MEGF6: variants seen among roughly 807,000 people sequenced by gnomAD.
MEGF6 encodes multiple epidermal growth factor-like domains protein 6.
MEGF6 carries 184 observed loss-of-function variants against 207.1 expected under a neutral mutation model. That is an observed-to-expected ratio of 0.89 (90% CI 0.79 to 1.00). The LOEUF (loss-of-function observed/expected upper bound fraction) is 1.00, where lower values mean the gene tolerates loss of function less well. MEGF6 is among the 50% of genes least tolerant of loss of function. The pLI is 0.00. For synonymous variants in MEGF6, 1,038 were observed against 910.0 expected, an observed-to-expected ratio of 1.14 and a Z score of -2.53; for missense variants, 2,282 against 2,202.9, an observed-to-expected ratio of 1.04 and a Z score of -0.72.
At chr1:3,590,288 C>T (rs934409902) in intron 3 of MEGF6, among the ~76,000 whole-genome samples, 1 of 152,206 alleles carries the variant, frequency 6.6e-6, no homozygotes, top group Non-Finnish European at 1.5e-5. Context: ...GTAAATGGTG[C>T]TGCCAGGACC....
intron 2 of MEGF6, among the ~76,000 whole-genome samples, chr1:3,599,967 G>A (rs192196029): frequency 3.3e-5 from 5 of 152,300 alleles, no homozygotes; most frequent in South Asian, 2.1e-4. Context: ...GGAGGCTGAC[G>A]TCGCCAGGCT....
chr1:3,590,833 C>G (rs1481037957), intron 3 of MEGF6, among the ~76,000 whole-genome samples: 2 of 152,172 alleles, frequency 1.3e-5, no homozygotes, highest in African/African-American at 4.8e-5. Context: ...ACAGGGCCCT[C>G]TAAAGAGTGA....
the MEGF6 span, among the ~76,000 whole-genome samples, chr1:3,621,041 A>C: frequency 6.6e-6 from 1 of 152,258 alleles, no homozygotes; most frequent in Non-Finnish European, 1.5e-5. Flanking sequence ...TAAAAGGCAG[A>C]GCCAGGTGTA....
intron 3 of MEGF6, among the ~76,000 whole-genome samples, chr1:3,589,857 T>G (rs1643948459): frequency 6.6e-6 from 1 of 152,242 alleles, no homozygotes. Context: ...TGCAATTAGT[T>G]TGGGAAAGCC....
chr1:3,526,111 A>T (rs1426814800), intron 4 of MEGF6, among the ~76,000 whole-genome samples: 1 of 152,156 alleles, frequency 6.6e-6, no homozygotes, highest in Middle Eastern at 3.2e-3. Context: ...CCCAGAGAAC[A>T]CGCCATGACC....
intron 4 of MEGF6, among the ~76,000 whole-genome samples, chr1:3,539,340 G>T (rs1254229414): frequency 2.0e-5 from 3 of 152,086 alleles, no homozygotes; most frequent in South Asian, 2.1e-4. Context: ...GGAGGGGCCG[G>T]GGTGGCTGTG....
chr1:3,599,989 A>C (rs1644133299), intron 2 of MEGF6, among the ~76,000 whole-genome samples: 2 of 152,152 alleles, frequency 1.3e-5, no homozygotes, highest in South Asian at 2.1e-4. Context: ...GTAGGGGTGG[A>C]ACCAGCGATG....
chr1:3,534,699 G>C (rs1017929246), intron 4 of MEGF6, among the ~76,000 whole-genome samples: 2 of 152,184 alleles, frequency 1.3e-5, no homozygotes, highest in Admixed American at 6.5e-5. Flanking sequence ...CTGATTCCCA[G>C]AGGGCGGGGG....
chr1:3,609,477 A>G (rs1430077144), intron 1 of MEGF6, among the ~76,000 whole-genome samples: 1 of 152,236 alleles, frequency 6.6e-6, no homozygotes, highest in East Asian at 1.9e-4. Context: ...ATCTGTGAGC[A>G]GAGGCCTCCA....
At position 3,507,759 on chromosome 1, in the gene MEGF6, G is replaced by C. The variant is rs1641168398; in HGVS notation, c.1789+36C>G. 3.7e-6 allele frequency: 6 copies of C among 1,612,394 alleles called. No individual in the cohort carries two copies. The South Asian group carries it at 6.6e-5, about 18-fold the overall frequency. The stretch of plus-strand genomic sequence containing the variant: ...TCTCCCACTTCCCTTACAGCCCAGG[G>C]GTAATTCCAGAAGCACCAGAAGAGG... On this transcript the variant is annotated intron_variant, in intron 14 of 36. Transcript: ENST00000356575.
intron 4 of MEGF6, among the ~76,000 whole-genome samples, chr1:3,569,332 G>C (rs536241406): frequency 2.6e-5 from 4 of 152,350 alleles, no homozygotes; most frequent in African/African-American, 9.6e-5. Flanking sequence ...CTGGGCAGGC[G>C]GTCAAGGGCC....
At chr1:3,557,191 A>C (rs1643061086) in intron 4 of MEGF6, among the ~76,000 whole-genome samples, 1 of 152,200 alleles carries the variant, frequency 6.6e-6, no homozygotes, top group South Asian at 2.1e-4. Flanking sequence ...ACCAGCCCTG[A>C]CAAGACCTTG....
At chr1:3,542,147 G>A (rs147416652) in intron 4 of MEGF6, among the ~76,000 whole-genome samples, 31 of 152,348 alleles carry the variant, frequency 2.0e-4, no homozygotes, top group African/African-American at 4.8e-4. Context: ...GGGGTCAGCC[G>A]GGGTGGGAGC....
rs1364509507 is a variant in MEGF6 at position 3,487,987 on chromosome 1, A to G, written c.*2541T>C. ...CTGTTTTTAATGATGTTTTTAATTG[A>G]CAATAATTGTAGATATTCATCGGAT... On this transcript the variant is annotated 3_prime_UTR_variant, in exon 37 of 37. Coordinates refer to ENST00000356575, the MANE Select transcript of MEGF6 (RefSeq NM_001409.4). Among the ~76,000 whole-genome samples, 1 of 152,146 alleles carries G rather than the reference A, an allele frequency of 6.6e-6. No homozygotes were observed. Among genetic ancestry groups the G allele is most frequent in the Non-Finnish European group, 1.5e-5 (1 of 68,028 alleles).
At chr1:3,604,109 G>A (rs546556240) in intron 1 of MEGF6, among the ~76,000 whole-genome samples, 21 of 152,306 alleles carry the variant, frequency 1.4e-4, no homozygotes, top group African/African-American at 4.3e-4. Flanking sequence ...CACCCACGAA[G>A]GGGCAGACGA....
intron 7 of MEGF6, among the ~76,000 whole-genome samples, chr1:3,513,801 A>G (rs1641438556): frequency 6.6e-6 from 1 of 151,112 alleles, no homozygotes; most frequent in South Asian, 2.1e-4. Context: ...CATGCTGCCT[A>G]GGCTGGTCTT....
rs199970379 is a variant in MEGF6, at chr1:3,499,661, G to A, written c.2892C>T (p.Ala964=). Residue 964 remains alanine (A), a synonymous_variant, in exon 23 of 37, where the codon GCC becomes GCT. Transcript: ENST00000356575. ...CATTCACGGCATCACAGGCAGCTCC[G>A]GCGGTGCAGTTGCAGGCACTGCGAC... ...LDCRSACNCT[A]GAACDAVNGS... The A allele has an allele frequency of 4.8e-4, 763 of 1,597,458 alleles. No individual in the cohort carries two copies. The highest frequency in any genetic ancestry group is 6.0e-4 in the Non-Finnish European group (704 of 1,173,198).
At position 3,488,260 on chromosome 1, in the gene MEGF6, T is replaced by C. The variant is rs924472200; in HGVS notation, c.*2268A>G. 6.6e-6 allele frequency among the ~76,000 whole-genome samples: 1 copy of C among 152,232 alleles called. No homozygotes were observed. Among genetic ancestry groups the C allele is most frequent in the Non-Finnish European group, 1.5e-5 (1 of 68,044 alleles). On this transcript the variant is annotated 3_prime_UTR_variant, in exon 37 of 37. Coordinates refer to ENST00000356575, the MANE Select transcript of MEGF6 (RefSeq NM_001409.4). ...TCCTCTGCTCCTGACCGCCGTTGGA[T>C]AGCTGAGATTTCCTCCGGATGGGCA... is the stretch of plus-strand genomic sequence containing the variant.
rs374246247 is a variant in MEGF6 at position 3,506,156 on chromosome 1, C to T, written c.1870G>A (p.Gly624Arg). The T allele has an allele frequency of 6.3e-6, 10 of 1,597,836 alleles. No homozygotes were observed. The highest frequency in any genetic ancestry group is 5.2e-5 in the Admixed American group (3 of 57,916). ...ANRGRCHRLY[G>R]ACLCDPGLYG... ...AGCCCTGGGTCGCAGAGGCAGGCCC[C>T]GTAGAGGCGGTGGCACCGGCCCCGG... is the stretch of plus-strand genomic sequence containing the variant. The change falls in exon 15 of 37, where the codon GGG (glycine) becomes AGG (arginine). Residue 624 changes from glycine to arginine, a missense_variant. Physicochemically the swap from Gly to Arg is moderately radical, Grantham distance 125. Transcript: ENST00000356575.
Sources: allele counts gnomAD v4.1 joint callset (sites outside exome capture counted in the v4.1 genomes callset), GRCh38; gene constraint gnomAD v4.1.1; transcripts MANE v1.5; gene names NCBI Gene and HGNC (gene_info 2026-07-23, HGNC 2026-07-21).